Variants in ERAP1 observed in about 807,000 individuals in gnomAD.
ERAP1 encodes endoplasmic reticulum aminopeptidase 1.
In ERAP1, 86 loss-of-function variants were observed where a neutral mutation model predicts 103.7. That is an observed-to-expected ratio of 0.83 (90% CI 0.70 to 0.99). The LOEUF (loss-of-function observed/expected upper bound fraction) is 0.99, where lower values mean the gene tolerates loss of function less well. Among genes scored for constraint, ERAP1 ranks in the 50% least tolerant of loss-of-function variants. ERAP1 has a pLI of 0.00. For synonymous variants in ERAP1, 398 were observed against 402.4 expected (o/e 0.99, Z 0.13); for missense variants, 1,009 against 1,128.4 (o/e 0.89, Z 1.52).
At chr5:96,889,362 C>T in the ERAP1 span, 1 of 1,572,686 alleles carries the variant, frequency 6.4e-7, no homozygotes, top group Admixed American at 1.7e-5. Context: ...TTGCTTTGAT[C>T]TCTTCCCTCT....
chr5:96,781,820 C>T lies in ERAP1; in HGVS notation c.2320G>A (p.Val774Met), dbSNP rs1444043476. The change falls in exon 16 of 19, where the codon GTG becomes ATG. Residue 774 changes from valine (V) to methionine (M), a missense_variant. Around this residue, in one of 3 missense-constraint regions of ERAP1, gnomAD observed 611 missense variants for 651.7 expected, o/e 0.94. Transcript: ENST00000443439. ...PVDVTLAVFAVGAQSTEGWDF... is the reference protein window; with the variant it reads ...PVDVTLAVFAMGAQSTEGWDF... Reference sequence around the variant, plus strand: ...CAGCCTTCTGTGCTCTGGGCCCCCACAGCAAACACTGCCAAGGTCACGTCG... The same window carrying T: ...CAGCCTTCTGTGCTCTGGGCCCCCATAGCAAACACTGCCAAGGTCACGTCG... The T allele has an allele frequency of 6.2e-6, 10 of 1,613,970 alleles. No individual in the cohort carries two copies. Among genetic ancestry groups the T allele is most frequent in the Non-Finnish European group, 7.6e-6 (9 of 1,180,004 alleles).
chr5:96,918,009 G>A, the ERAP1 span: 1 of 152,792 alleles, frequency 6.5e-6, no homozygotes, highest in Non-Finnish European at 1.5e-5. Flanking sequence ...CACCAGTGAA[G>A]CTCAAGTCAA....
At chr5:96,828,368 CATT>C in the ERAP1 span, among the ~76,000 whole-genome samples, 1 of 152,038 alleles carries the variant, frequency 6.6e-6, no homozygotes, top group Non-Finnish European at 1.5e-5. Context: ...TGTAAATAAA[CATT>C]AGTAATAATA....
In ERAP1 at chr5:96,774,740, A is replaced by G. The variant is rs1773742524; in HGVS notation, c.*1656T>C. The G allele has an allele frequency of 2.0e-6, 2 of 983,594 alleles. No individual in the cohort carries two copies. The highest frequency in any genetic ancestry group is 2.4e-6 in the Non-Finnish European group (2 of 828,092). The allele number at this position is 983,594 out of a possible 1,614,324, so 60.9% of individuals were successfully genotyped here. The stretch of plus-strand genomic sequence containing the variant: ...AATAGTTTAGTTTGGGGTGGAAATT[A>G]CCAGTGATTTCTATTTTTATTAAAC... On this transcript the variant is annotated 3_prime_UTR_variant, in exon 19 of 19. Transcript: ENST00000443439.
chr5:96,766,117 A>G, intron 19 of ERAP1: 1 of 1,609,802 alleles, frequency 6.2e-7, no homozygotes, highest in Non-Finnish European at 8.5e-7. Context: ...CCACCTGAAT[A>G]CAGACATCTC....
At chr5:96,832,472 G>A in the ERAP1 span, among the ~76,000 whole-genome samples, 24 of 152,280 alleles carry the variant, frequency 1.6e-4, no homozygotes, top group African/African-American at 4.6e-4. Context: ...TATAATAGCT[G>A]CAAAAGACTG....
the ERAP1 span, among the ~76,000 whole-genome samples, chr5:96,924,831 C>T: frequency 6.6e-6 from 1 of 152,182 alleles, no homozygotes; most frequent in African/African-American, 2.4e-5. Context: ...CTCCTGACCT[C>T]AGGTGATCCA....
intron 19 of ERAP1, among the ~76,000 whole-genome samples, chr5:96,766,328 T>C (rs1360858328): frequency 2.0e-5 from 3 of 152,234 alleles, no homozygotes; most frequent in Non-Finnish European, 2.9e-5. Context: ...AATATCATTA[T>C]ATATGCATAT....
In ERAP1 at chr5:96,767,474, G is replaced by A. The variant is rs1770405328; in HGVS notation, c.2819-4246C>T. The A allele has an allele frequency of 1.6e-5, 25 of 1,612,402 alleles. No individual in the cohort carries two copies. The East Asian group carries it at 5.6e-4, about 36-fold the overall frequency. On this transcript the variant is annotated intron_variant, in intron 19 of 19. Coordinates refer to the ERAP1 transcript ENST00000296754. ...GAAGCCACCTACAAAGAAATCAGAGGATTCAAAGGTAAAGACCATAGGAAC... is the reference window on the plus strand; with the variant it reads ...GAAGCCACCTACAAAGAAATCAGAGAATTCAAAGGTAAAGACCATAGGAAC...
chr5:96,897,296 A>G, the ERAP1 span, among the ~76,000 whole-genome samples: 2 of 152,182 alleles, frequency 1.3e-5, no homozygotes, highest in South Asian at 2.1e-4. Context: ...CATTGTGCCT[A>G]TATTTCTAGT....
chr5:96,922,976 TTTTTG>T, the ERAP1 span, among the ~76,000 whole-genome samples: 22 of 152,088 alleles, frequency 1.4e-4, no homozygotes, highest in African/African-American at 4.8e-4. Context: ...TGTTTTTTGT[TTTTTG>T]TTTTTTGTTT....
chr5:96,767,568 T>C (rs1210118440), intron 19 of ERAP1: 3 of 916,860 alleles, frequency 3.3e-6, no homozygotes, highest in East Asian at 2.5e-5. Context: ...CTAAAACATA[T>C]TGAATGCCTA....
chr5:96,814,058 A>G, the ERAP1 span: 1 of 304,352 alleles, frequency 3.3e-6, no homozygotes, highest in Non-Finnish European at 6.5e-6. Flanking sequence ...ATTAACTCAC[A>G]GTTTCTGTGG....
At chr5:96,894,920 A>AC in the ERAP1 span, among the ~76,000 whole-genome samples, 3 of 152,286 alleles carry the variant, frequency 2.0e-5, no homozygotes, top group East Asian at 5.8e-4. Context: ...GAAAGAAAAA[A>AC]ACTACCTCCA....
the ERAP1 span, among the ~76,000 whole-genome samples, chr5:96,816,027 T>C: frequency 6.6e-6 from 1 of 152,198 alleles, no homozygotes; most frequent in Non-Finnish European, 1.5e-5. Flanking sequence ...TTATCACTGT[T>C]GTACTAGGAA....
chr5:96,778,514 T>C (rs971048094), intron 18 of ERAP1, among the ~76,000 whole-genome samples: 3 of 152,132 alleles, frequency 2.0e-5, no homozygotes, highest in African/African-American at 7.2e-5. Context: ...GCTGAGTGGC[T>C]ACAGTGTTAT....
At chr5:96,874,070 G>A in the ERAP1 span, among the ~76,000 whole-genome samples, 1 of 140,272 alleles carries the variant, frequency 7.1e-6, no homozygotes, top group African/African-American at 2.7e-5. Context: ...ACTTCCCAAA[G>A]CTTATCCCAA....
rs1774328694 is a variant in ERAP1, at chr5:96,776,512, G to A, written c.2710C>T (p.Gln904Ter). Reference protein sequence around the residue: ...FFSSLKENGSQLRCVQQTIET... With the variant: ...FFSSLKENGS ...ATTGTCTGTTGGACACAACGGAGCTGAGAACCATTTTCTTTCAAAGAGCTG... is the reference window on the plus strand; with the variant it reads ...ATTGTCTGTTGGACACAACGGAGCTAAGAACCATTTTCTTTCAAAGAGCTG... The change falls in exon 19 of 19, where the codon CAG becomes TAG. Residue 904 changes from glutamine to a stop codon, truncating the protein, a stop_gained. Coordinates refer to ENST00000443439, the MANE Select transcript of ERAP1 (RefSeq NM_001040458.3). LOFTEE classifies it high-confidence loss of function. The A allele has an allele frequency of 6.2e-7, 1 of 1,614,008 alleles. No individual in the cohort carries two copies. The highest frequency in any genetic ancestry group is 1.3e-5 in the African/African-American group (1 of 74,952).
chr5:96,786,166 G>T (rs1775964144), intron 12 of ERAP1, among the ~76,000 whole-genome samples, 195 bp from the exon 13 acceptor site: 1 of 152,164 alleles, frequency 6.6e-6, no homozygotes, highest in South Asian at 2.1e-4. Flanking sequence ...CATCAATTTT[G>T]TGAGATTTAC....
Sources: allele counts gnomAD v4.1 joint callset (sites outside exome capture counted in the v4.1 genomes callset), GRCh38; gene constraint gnomAD v4.1.1; regional missense constraint gnomAD v4.1.1; transcripts MANE v1.5; gene names NCBI Gene and HGNC (gene_info 2026-07-23, HGNC 2026-07-21).